The following MOB3B variants were observed in gnomAD, a reference collection of about 807,000 sequenced individuals.
MOB3B encodes MOB kinase activator 3B.
MOB3B carries 7 observed loss-of-function variants against 18.7 expected under a neutral mutation model. The observed-to-expected ratio is 0.37, with a 90% CI of 0.21 to 0.70. MOB3B has a LOEUF of 0.70. MOB3B is among the 30% of genes least tolerant of loss of function. MOB3B has a pLI of 0.52. For missense variants in MOB3B, 253 were observed against 281.3 expected, an observed-to-expected ratio of 0.90 and a Z score of 0.72; for synonymous variants, 111 against 99.9, an observed-to-expected ratio of 1.11 and a Z score of -0.66.
At chr9:27,342,433 C>A (rs1820956983) in intron 3 of MOB3B, among the ~76,000 whole-genome samples, 1 of 150,480 alleles carries the variant, frequency 6.6e-6, no homozygotes, top group Admixed American at 6.6e-5. Flanking sequence ...AACCCCTCTC[C>A]CTCCCCCTCC....
At chr9:27,440,127 A>G (rs1159846059) in intron 2 of MOB3B, among the ~76,000 whole-genome samples, 2 of 152,200 alleles carry the variant, frequency 1.3e-5, no homozygotes, top group Non-Finnish European at 2.9e-5. Flanking sequence ...AGTAAAACAC[A>G]TTTCATGTAG....
chr9:27,359,844 T>A (rs1004843794), intron 2 of MOB3B, among the ~76,000 whole-genome samples: 9 of 152,204 alleles, frequency 5.9e-5, no homozygotes, highest in Admixed American at 5.2e-4. Context: ...TGACCACTAC[T>A]CCCAGCTCAG....
intron 2 of MOB3B, among the ~76,000 whole-genome samples, chr9:27,422,465 G>C (rs967481531): frequency 3.9e-5 from 6 of 152,138 alleles, no homozygotes; most frequent in Non-Finnish European, 8.8e-5. Flanking sequence ...TCTGACCTAG[G>C]TTTCTAGACA....
chr9:27,391,259 A>G (rs1271990163), intron 2 of MOB3B, among the ~76,000 whole-genome samples: 2 of 152,180 alleles, frequency 1.3e-5, no homozygotes, highest in African/African-American at 4.8e-5. Flanking sequence ...CCTACCTCTC[A>G]CCTCAGCAGA....
At chr9:27,419,060 C>CAAAAA (rs567613310) in intron 2 of MOB3B, among the ~76,000 whole-genome samples, 2 of 123,850 alleles carry the variant, frequency 1.6e-5, no homozygotes, top group African/African-American at 3.2e-5. Flanking sequence ...ACGATAGCTG[C>CAAAAA]AAAAAAAAAA....
In MOB3B at chr9:27,343,861, C is replaced by T. The variant is rs146678510; in HGVS notation, c.622-13245G>A. ...TAAAGCAAGATATCCTTTTACTTCA[C>T]GTAATTTTTGTTCCCCATCCTGGCC... On this transcript the variant is annotated intron_variant, in intron 3 of 3. Coordinates refer to ENST00000262244, the MANE Select transcript of MOB3B (RefSeq NM_024761.5). Among the ~76,000 whole-genome samples the T allele has an allele frequency of 1.8e-4, 27 of 152,124 alleles. 1 individual carries two copies. The East Asian group carries it at 4.1e-3, about 23-fold the overall frequency.
intron 1 of MOB3B, among the ~76,000 whole-genome samples, chr9:27,487,865 G>T (rs890705587): frequency 2.6e-5 from 4 of 151,998 alleles, no homozygotes; most frequent in African/African-American, 4.8e-5. Flanking sequence ...CTCTTAACTT[G>T]GTCTTGCTCA....
chr9:27,328,902 T>C lies in MOB3B; in HGVS notation c.*1685A>G, dbSNP rs999895001. ...AGGAAGGGGGACAAAAGTATGTTTA[T>C]TGTTGACCAGGGCACAGCAACATGG... is the stretch of plus-strand genomic sequence containing the variant. On this transcript the variant is annotated 3_prime_UTR_variant, in exon 4 of 4. Transcript: ENST00000262244. 6.6e-6 allele frequency: 1 copy of C among 152,642 alleles called. No individual in the cohort carries two copies. Among genetic ancestry groups the C allele is most frequent in the Non-Finnish European group, 1.5e-5 (1 of 68,046 alleles). The allele number at this position is 152,642 out of a possible 1,614,324, so 9.5% of individuals were successfully genotyped here. A position where few individuals can be genotyped will look rare whatever the true frequency, so the allele number is the denominator to read the frequency against.
chr9:27,498,400 G>GAAT (rs1277276255), intron 1 of MOB3B, among the ~76,000 whole-genome samples: 1 of 152,154 alleles, frequency 6.6e-6, no homozygotes, highest in Non-Finnish European at 1.5e-5. Flanking sequence ...GGAGCTGGTG[G>GAAT]AATAAGCGTG....
chr9:27,487,145 A>AAATAAATAAATAAATAAATT (rs1183123947), intron 1 of MOB3B, among the ~76,000 whole-genome samples: 1 of 150,686 alleles, frequency 6.6e-6, no homozygotes, highest in Admixed American at 6.6e-5. Flanking sequence ...ATAAATAAAT[A>AAATAAATAAATAAATAAATT]AATAAATAAA....
At chr9:27,514,832 A>G (rs1820206474) in intron 1 of MOB3B, among the ~76,000 whole-genome samples, 1 of 152,252 alleles carries the variant, frequency 6.6e-6, no homozygotes, top group Admixed American at 6.5e-5. Context: ...GCAAGGAGAC[A>G]GCAGCCTACA....
intron 2 of MOB3B, among the ~76,000 whole-genome samples, chr9:27,439,172 G>A (rs769331205): frequency 1.3e-5 from 2 of 152,082 alleles, no homozygotes; most frequent in Non-Finnish European, 2.9e-5. Context: ...AGGTTACAGG[G>A]GAGGAAACAA....
At chr9:27,498,000 T>C (rs1410844501) in intron 1 of MOB3B, among the ~76,000 whole-genome samples, 5 of 152,172 alleles carry the variant, frequency 3.3e-5, no homozygotes, top group Admixed American at 6.5e-5. Context: ...ACCATGAATA[T>C]GAATAGATGG....
At chr9:27,529,223 G>T (rs1242041206) in intron 1 of MOB3B, among the ~76,000 whole-genome samples, 2 of 152,242 alleles carry the variant, frequency 1.3e-5, no homozygotes, top group Non-Finnish European at 2.9e-5. Flanking sequence ...TCGGAGTCTT[G>T]CACCCCGAAA....
At position 27,329,543 on chromosome 9, in the gene MOB3B, G is replaced by A. The variant is rs906746791; in HGVS notation, c.*1044C>T. ...TGGAGTGGGGAGAGAATGACGGCTG[G>A]GTTTAAATGCTCAGAAGGCTAGTGG... is the stretch of plus-strand genomic sequence containing the variant. On this transcript the variant is annotated 3_prime_UTR_variant, in exon 4 of 4. Transcript: ENST00000262244. The A allele has an allele frequency of 1.3e-5, 2 of 152,422 alleles. No individual in the cohort carries two copies. The highest frequency in any genetic ancestry group is 4.8e-5 in the African/African-American group (2 of 41,398). The allele number at this position is 152,422 out of a possible 1,614,324, so 9.4% of individuals were successfully genotyped here.
At position 27,342,612 on chromosome 9, in the gene MOB3B, G is replaced by A. The variant is rs535154015; in HGVS notation, c.622-11996C>T. Among the ~76,000 whole-genome samples the A allele has an allele frequency of 1.6e-3, 244 of 152,212 alleles. 1 individual carries two copies. Among genetic ancestry groups the A allele is most frequent in the African/African-American group, 3.9e-3 (160 of 41,552 alleles). On this transcript the variant is annotated intron_variant, in intron 3 of 3. Coordinates refer to ENST00000262244, the MANE Select transcript of MOB3B (RefSeq NM_024761.5). The stretch of plus-strand genomic sequence containing the variant: ...CTGCAGAGTGCCTGGGATTGCAGGC[G>A]CGCGCCGCCACACCTGACTGGTTTT...
chr9:27,379,523 C>A (rs1821543063), intron 2 of MOB3B, among the ~76,000 whole-genome samples: 1 of 152,126 alleles, frequency 6.6e-6, no homozygotes, highest in Non-Finnish European at 1.5e-5. Flanking sequence ...GAGGAAACGA[C>A]AGAGGAAGAT....
chr9:27,487,733 G>A (rs530905033), intron 1 of MOB3B, among the ~76,000 whole-genome samples: 3 of 152,194 alleles, frequency 2.0e-5, no homozygotes, highest in Admixed American at 6.5e-5. Flanking sequence ...TCACTTTTGC[G>A]TATGCCATTA....
intron 2 of MOB3B, among the ~76,000 whole-genome samples, chr9:27,415,209 T>C (rs1398110626): frequency 1.3e-5 from 2 of 152,206 alleles, no homozygotes; most frequent in Non-Finnish European, 2.9e-5. Context: ...TTTTAGAAGA[T>C]GGCTTTATGG....
Sources: gnomAD v4.1 joint callset for allele counts (sites outside exome capture counted in the v4.1 genomes callset) on GRCh38, gnomAD v4.1.1 for gene constraint, MANE v1.5 for transcripts, NCBI Gene and HGNC (gene_info 2026-07-23, HGNC 2026-07-21) for gene names.